SETD5: variants seen among roughly 807,000 people sequenced by gnomAD.
SETD5 encodes the protein histone-lysine N-methyltransferase SETD5.
In SETD5, 44 loss-of-function variants were observed where a neutral mutation model predicts 153.3. The ratio of observed to expected loss-of-function variants is 0.29; its 90% confidence interval spans 0.23 to 0.37. The LOEUF (loss-of-function observed/expected upper bound fraction) is 0.37, where lower values mean the gene tolerates loss of function less well. Among genes scored for constraint, SETD5 ranks in the 10% least tolerant of loss-of-function variants. The pLI, the probability that SETD5 is intolerant of heterozygous loss-of-function variation, is 1.00. For synonymous variants in SETD5, 716 were observed against 645.2 expected, an observed-to-expected ratio of 1.11 and a Z score of -1.66; for missense variants, 1,544 against 1,768.0, an observed-to-expected ratio of 0.87 and a Z score of 2.27.
Position 9,434,379 on chromosome 3 carries a change from G to A in SETD5, c.223G>A (p.Glu75Lys). ...SDLNGLPSPV[E>K]ERCGDSPNSE... ...CCTGAATGGCCTGCCGTCGCCTGTA[G>A]AGGAACGCTGTGGAGACAGCCCGAA... The change falls in exon 5 of 23, where the codon GAG (glutamate) becomes AAG (lysine). Residue 75 changes from glutamate (E) to lysine (K), a missense_variant. Coordinates refer to ENST00000402198, the MANE Select transcript of SETD5 (RefSeq NM_001080517.3). This position sits in a 1 kb window ranked among gnomAD's most constrained non-coding sequence, Gnocchi z 5.6. The A allele has an allele frequency of 6.2e-7, 1 of 1,613,956 alleles. No individual in the cohort carries two copies. Among genetic ancestry groups the A allele is most frequent in the Admixed American group, 1.7e-5 (1 of 60,016 alleles).
At chr3:9,402,484 G>A (rs1399665859) in intron 1 of SETD5, among the ~76,000 whole-genome samples, 2 of 152,220 alleles carry the variant, frequency 1.3e-5, no homozygotes, top group South Asian at 4.1e-4. Flanking sequence ...TATGAAGACA[G>A]GGAAAGGAAT....
chr3:9,468,210 G>T (rs1046684995), intron 18 of SETD5, among the ~76,000 whole-genome samples: 1 of 151,840 alleles, frequency 6.6e-6, no homozygotes, highest in Non-Finnish European at 1.5e-5. Context: ...ATACAAAGAC[G>T]TATAACACTA....
At position 9,434,956 on chromosome 3, in the gene SETD5, C is replaced by A. The variant is rs969529190; in HGVS notation, c.388+74C>A. 17 of 1,534,194 alleles carry A rather than the reference C, an allele frequency of 1.1e-5. No homozygotes were observed. The highest frequency in any genetic ancestry group is 7.8e-5 in the Admixed American group (4 of 51,216). On this transcript the variant is annotated intron_variant, in intron 6 of 22. Transcript: ENST00000402198. The surrounding 1 kb of genome is among the most constrained non-coding windows in gnomAD (Gnocchi z 5.6). ...TGATCTGAATGTTCATTTTAAGAAC[C>A]CCTCTTGGCCAGGCGCAGTGGCTTA...
At chr3:9,427,624 T>A (rs2039456254) in intron 2 of SETD5, among the ~76,000 whole-genome samples, 1 of 152,218 alleles carries the variant, frequency 6.6e-6, no homozygotes, top group Admixed American at 6.5e-5. Context: ...TTCCTTTAGT[T>A]TTTTTAGTAT....
At chr3:9,469,354 A>C (rs764594353) in intron 18 of SETD5, among the ~76,000 whole-genome samples, 1 of 152,242 alleles carries the variant, frequency 6.6e-6, no homozygotes, top group Non-Finnish European at 1.5e-5. Context: ...CTCTGAATCT[A>C]TTAATACATG....
chr3:9,461,078 A>G (rs1281918725), intron 17 of SETD5, among the ~76,000 whole-genome samples: 1 of 152,134 alleles, frequency 6.6e-6, no homozygotes, highest in Non-Finnish European at 1.5e-5. Flanking sequence ...CAACATTCTT[A>G]CTATTTAAAG....
Position 9,470,946 on chromosome 3 carries a change from A to G in SETD5, c.3195+17A>G, listed in dbSNP as rs563672969. 3.6e-6 allele frequency: 5 copies of G among 1,388,092 alleles called. No homozygotes were observed. The African/African-American group carries it at 4.3e-5, about 12-fold the overall frequency. 86.0% of individuals were successfully genotyped at this position (1,388,092 alleles called of 1,614,324 possible). Reference sequence around the variant, plus strand: ...AGGAAAAAAGTAAGTGTTTCATGTTATATCGGCGAACTTTTCAAGAATGTT... The same window carrying G: ...AGGAAAAAAGTAAGTGTTTCATGTTGTATCGGCGAACTTTTCAAGAATGTT... On this transcript the variant is annotated intron_variant, in intron 19 of 22. Transcript: ENST00000402198.
intron 18 of SETD5, among the ~76,000 whole-genome samples, chr3:9,468,181 T>A (rs967799212): frequency 2.6e-5 from 4 of 151,830 alleles, no homozygotes; most frequent in Admixed American, 1.3e-4. Flanking sequence ...TACTGTAGGT[T>A]GCTAAACTCT....
chr3:9,442,748 G>T, intron 10 of SETD5: 1 of 170,782 alleles, frequency 5.9e-6, no homozygotes, highest in Non-Finnish European at 1.3e-5. Flanking sequence ...GCTATAAGAT[G>T]TGAAAGCGGC....
chr3:9,421,072 T>A (rs1017457711), intron 1 of SETD5, among the ~76,000 whole-genome samples: 52 of 152,012 alleles, frequency 3.4e-4, no homozygotes, highest in East Asian at 5.8e-4. Context: ...TTTTTTTTTT[T>A]ATTGTACAGA....
At chr3:9,404,610 A>G (rs1443248116) in intron 1 of SETD5, among the ~76,000 whole-genome samples, 2 of 152,200 alleles carry the variant, frequency 1.3e-5, no homozygotes, top group East Asian at 3.8e-4. Context: ...GTCAAGCACC[A>G]GTCTCCATAC....
intron 17 of SETD5, among the ~76,000 whole-genome samples, chr3:9,459,233 CTTAG>C (rs1269077732): frequency 6.6e-6 from 1 of 152,054 alleles, no homozygotes; most frequent in Non-Finnish European, 1.5e-5. Flanking sequence ...ATAATTAATT[CTTAG>C]TTATTAACAA....
At chr3:9,448,058 G>T in intron 15 of SETD5, 52 bp downstream of exon 15, 1 of 1,537,620 alleles carries the variant, frequency 6.5e-7, no homozygotes, top group Non-Finnish European at 8.8e-7. Flanking sequence ...GGCTGTCTTA[G>T]TGAAATGAGA....
intron 15 of SETD5, 74 bp downstream of exon 15, chr3:9,448,080 C>T (rs1015055722): frequency 1.4e-6 from 2 of 1,445,562 alleles, no homozygotes; most frequent in Non-Finnish European, 1.9e-6. Context: ...GACCTATAAT[C>T]CCTAGAAGAA....
chr3:9,445,214 G>A lies in SETD5; in HGVS notation c.1354G>A (p.Glu452Lys). ...AGCACGACGGAAAGAGCTAGAGATG[G>A]AGCAGCAGAATGAGGCTTCAGAGGA... ...RKARRKELEM[E>K]QQNEASEENN... The change falls in exon 12 of 23, where the codon GAG becomes AAG. Residue 452 changes from glutamate to lysine, a missense_variant. Around this residue, in one of 9 missense-constraint regions of SETD5, gnomAD observed 782 missense variants for 787.2 expected, o/e 0.99. Transcript: ENST00000402198. 1 of 1,613,496 alleles carries A rather than the reference G, an allele frequency of 6.2e-7. No homozygotes were observed. The highest frequency in any genetic ancestry group is 1.1e-5 in the South Asian group (1 of 91,016).
At chr3:9,466,986 G>C (rs1391905126) in intron 18 of SETD5, among the ~76,000 whole-genome samples, 1 of 152,040 alleles carries the variant, frequency 6.6e-6, no homozygotes, top group Admixed American at 6.6e-5. Flanking sequence ...CCATTATTGT[G>C]CCACTACATG....
At chr3:9,441,794 G>A in intron 9 of SETD5, 53 bp downstream of exon 9, 1 of 1,607,578 alleles carries the variant, frequency 6.2e-7, no homozygotes, top group South Asian at 1.1e-5. Context: ...TGGTTGACCA[G>A]TGTTGTTGTA....
chr3:9,440,660 T>C lies in SETD5; in HGVS notation c.772T>C (p.Leu258=), dbSNP rs1443682524. 2 of 1,613,562 alleles carry C rather than the reference T, an allele frequency of 1.2e-6. No homozygotes were observed. Among genetic ancestry groups the C allele is most frequent in the Non-Finnish European group, 1.7e-6 (2 of 1,179,748 alleles). The change falls in exon 8 of 23, where the codon TTG becomes CTG. Residue 258 remains leucine, a synonymous_variant. Transcript: ENST00000402198. ...TTTAGACACTATTAATAAGACTGAATTGGCCTGTAATAACACAGTTATTGG... is the reference window on the plus strand; with the variant it reads ...TTTAGACACTATTAATAAGACTGAACTGGCCTGTAATAACACAGTTATTGG... ...TILDTINKTE[L]ACNNTVIGSQ...
At chr3:9,443,119 T>C (rs1050167508) in intron 10 of SETD5, 189 bp from the exon 11 acceptor site, 5 of 494,654 alleles carry the variant, frequency 1.0e-5, no homozygotes, top group Admixed American at 3.5e-5. Flanking sequence ...GAAAGTATTA[T>C]AAATTTTCAA....
Sources: allele counts gnomAD v4.1 joint callset (sites outside exome capture counted in the v4.1 genomes callset), GRCh38; gene constraint gnomAD v4.1.1; regional missense constraint gnomAD v4.1.1; non-coding constraint Gnocchi (gnomAD v3.1); transcripts MANE v1.5; gene names NCBI Gene and HGNC (gene_info 2026-07-23, HGNC 2026-07-21).